The following PRKAR1B variants were observed in gnomAD, a reference collection of about 807,000 sequenced individuals.
The protein encoded by PRKAR1B is cAMP-dependent protein kinase type I-beta regulatory subunit.
A neutral mutation model predicts 46.5 loss-of-function variants in PRKAR1B; 22 were observed. The ratio of observed to expected loss-of-function variants is 0.47; its 90% CI spans 0.34 to 0.68. The LOEUF is 0.68. Ranked by LOEUF, PRKAR1B falls within the 30% of genes least tolerant of loss-of-function variation. The probability of loss-of-function intolerance (pLI) is 0.01; values close to 1 mark genes in which losing one functional copy is unlikely to be tolerated. For missense variants in PRKAR1B, 445 were observed against 535.6 expected, an observed-to-expected ratio of 0.83 and a Z score of 1.67; for synonymous variants, 259 against 217.7, an observed-to-expected ratio of 1.19 and a Z score of -1.67.
Position 629,313 on chromosome 7 carries a change from G to C in PRKAR1B, c.441-21861C>G, listed in dbSNP as rs568780302. Among the ~76,000 whole-genome samples the C allele has an allele frequency of 4.6e-5, 7 of 151,326 alleles. No individual in the cohort carries two copies. In the East Asian group the frequency reaches 1.4e-3, roughly 29 times the overall value. ...CGCCACCACCCCAGGGCTGGAAAAC[G>C]CTGCAGGAGCGGGGCCACGGCCTCC... On this transcript the variant is annotated intron_variant, in intron 4 of 10. Coordinates refer to ENST00000537384, the MANE Select transcript of PRKAR1B (RefSeq NM_001164760.2).
chr7:639,450 T>C (rs1364740227), intron 4 of PRKAR1B, among the ~76,000 whole-genome samples: 2 of 152,236 alleles, frequency 1.3e-5, no homozygotes, highest in Non-Finnish European at 2.9e-5. Context: ...ATGACAGTCC[T>C]AAATGTAAGA....
chr7:552,971 T>C (rs774524912), intron 9 of PRKAR1B, among the ~76,000 whole-genome samples: 1 of 152,230 alleles, frequency 6.6e-6, no homozygotes, highest in Non-Finnish European at 1.5e-5. Flanking sequence ...GTGGGCAGCA[T>C]ATCACAGGGC....
chr7:555,996 A>G (rs111306032), intron 9 of PRKAR1B, among the ~76,000 whole-genome samples: 1,841 of 152,084 alleles, frequency 0.012, 40 homozygotes, highest in African/African-American at 0.042. Flanking sequence ...CATCCCTCCT[A>G]TGCTCATCCC....
intron 2 of PRKAR1B, among the ~76,000 whole-genome samples, chr7:683,291 C>T (rs1050556480): frequency 3.3e-5 from 5 of 152,172 alleles, no homozygotes; most frequent in South Asian, 2.1e-4. Flanking sequence ...CTGGGTATCC[C>T]CTTCCTTGAC....
chr7:627,771 C>T (rs1443536499), intron 4 of PRKAR1B, among the ~76,000 whole-genome samples: 2 of 111,540 alleles, frequency 1.8e-5, no homozygotes, highest in Non-Finnish European at 4.0e-5. Context: ...TGAGCACCCG[C>T]CACTCAGGCT....
At chr7:551,307 G>T in intron 10 of PRKAR1B, 82 bp downstream of exon 10, 1 of 1,350,610 alleles carries the variant, frequency 7.4e-7, no homozygotes, top group Non-Finnish European at 1.0e-6. Flanking sequence ...CCCCCCAGCA[G>T]CTCCTCACCT....
intron 2 of PRKAR1B, among the ~76,000 whole-genome samples, chr7:706,192 G>A (rs998423530): frequency 6.6e-6 from 1 of 152,068 alleles, no homozygotes; most frequent in African/African-American, 2.4e-5. Flanking sequence ...CAGGCATGGT[G>A]GTGGGCACCG....
chr7:603,874 G>A (rs1224003812), intron 6 of PRKAR1B, among the ~76,000 whole-genome samples: 5 of 152,094 alleles, frequency 3.3e-5, no homozygotes, highest in Non-Finnish European at 5.9e-5. Context: ...GACAGGGCGG[G>A]GGAGGAGGTG....
At chr7:653,250 A>G (rs1785009306) in intron 4 of PRKAR1B, among the ~76,000 whole-genome samples, 1 of 152,126 alleles carries the variant, frequency 6.6e-6, no homozygotes, top group Non-Finnish European at 1.5e-5. Flanking sequence ...TGTCAAGTAC[A>G]CCATAGGGAA....
intron 1 of PRKAR1B, among the ~76,000 whole-genome samples, chr7:717,667 C>A (rs879812449): frequency 3.3e-5 from 5 of 152,154 alleles, no homozygotes; most frequent in Non-Finnish European, 7.4e-5. Flanking sequence ...CAAAACCACA[C>A]ACCCACACAC....
chr7:652,302 C>A (rs553727544), intron 4 of PRKAR1B, among the ~76,000 whole-genome samples: 12 of 133,080 alleles, frequency 9.0e-5, no homozygotes, highest in South Asian at 8.1e-4. Flanking sequence ...ACCCACGCAG[C>A]GCTAGGAACC....
intron 9 of PRKAR1B, among the ~76,000 whole-genome samples, chr7:567,805 T>A (rs573184657): frequency 5.9e-4 from 89 of 152,126 alleles, no homozygotes; most frequent in Non-Finnish European, 9.4e-4. Flanking sequence ...ATCTCCCTTA[T>A]AGCAGGCAGT....
rs1583182223 is a variant in PRKAR1B, at chr7:550,296, G to C, written c.*134C>G. On this transcript the variant is annotated 3_prime_UTR_variant, in exon 11 of 11. Transcript: ENST00000537384. ...ATTCCAAAAAGTGAGTCCGGGGAAG[G>C]GGCAGTCCTCACGCTGCCGGGACCC... 1.4e-6 allele frequency: 1 copy of C among 692,138 alleles called. No homozygotes were observed. The highest frequency in any genetic ancestry group is 2.7e-5 in the East Asian group (1 of 36,490). The allele number at this position is 692,138 out of a possible 1,614,324, so 42.9% of individuals were successfully genotyped here.
chr7:626,379 C>T (rs575778561), intron 4 of PRKAR1B, among the ~76,000 whole-genome samples: 3 of 152,226 alleles, frequency 2.0e-5, no homozygotes, highest in African/African-American at 7.2e-5. Flanking sequence ...CCTGTAGTCC[C>T]AACTACTTGG....
At chr7:728,335 C>CGTCCCAGTGAT (rs1176840407), upstream of PRKAR1B, among the ~76,000 whole-genome samples, 8 of 152,292 alleles carry the variant, frequency 5.3e-5, no homozygotes, top group South Asian at 2.1e-4. Context: ...CAGCTCAGGC[C>CGTCCCAGTGAT]GTCCCAGTGA....
chr7:580,767 A>G (rs1458328784), intron 8 of PRKAR1B, among the ~76,000 whole-genome samples: 2 of 150,072 alleles, frequency 1.3e-5, no homozygotes, highest in Non-Finnish European at 3.0e-5. Context: ...AAAAAAACAA[A>G]CGTTTCCTGG....
intron 9 of PRKAR1B, among the ~76,000 whole-genome samples, chr7:568,399 G>A (rs1779299842): frequency 6.6e-6 from 1 of 152,238 alleles, no homozygotes; most frequent in South Asian, 2.1e-4. Flanking sequence ...GAACCTGGCT[G>A]TTGAATCAGA....
At chr7:636,401 TCCTCCACCGGCCGC>T (rs1562579322) in intron 4 of PRKAR1B, among the ~76,000 whole-genome samples, 1,273 of 78,532 alleles carry the variant, frequency 0.016, 61 homozygotes, top group Non-Finnish European at 0.025. Flanking sequence ...CGCCCTCACG[TCCTCCACCGGCCGC>T]GCCCACACGT....
intron 2 of PRKAR1B, among the ~76,000 whole-genome samples, chr7:689,526 A>G (rs1779292597): frequency 6.6e-6 from 1 of 152,188 alleles, no homozygotes; most frequent in Admixed American, 6.5e-5. Flanking sequence ...CACATCACAG[A>G]GTAACCCAGG....
Sources: allele counts gnomAD v4.1 joint callset (sites outside exome capture counted in the v4.1 genomes callset), GRCh38; gene constraint gnomAD v4.1.1; transcripts MANE v1.5; gene names NCBI Gene and HGNC (gene_info 2026-07-23, HGNC 2026-07-21).